Variants in WWOX observed in about 807,000 individuals in gnomAD.
The protein encoded by WWOX is WW domain containing oxidoreductase.
A neutral mutation model predicts 46.2 loss-of-function variants in WWOX; 69 were observed. The ratio of observed to expected loss-of-function variants is 1.49; its 90% CI spans 1.23 to 1.82. The LOEUF is 1.82. WWOX is among the 40% of genes most tolerant of loss of function. WWOX has a pLI of 0.00. For synonymous variants in WWOX, 359 were observed against 202.6 expected (o/e 1.77, Z -6.56); for missense variants, 919 against 542.6 (o/e 1.69, Z -6.89).
intron 8 of WWOX, among the ~76,000 whole-genome samples, chr16:79,068,105 G>C (rs1487438134): frequency 6.6e-6 from 1 of 152,212 alleles, no homozygotes; most frequent in Admixed American, 6.5e-5. Context: ...GGCTCCGGAA[G>C]ATCCCTAACC....
chr16:79,023,753 C>G (rs1008323711), intron 8 of WWOX, among the ~76,000 whole-genome samples: 1 of 148,190 alleles, frequency 6.7e-6, no homozygotes, highest in African/African-American at 2.5e-5. Context: ...TACCCCATCT[C>G]TACTAAAATA....
intron 8 of WWOX, among the ~76,000 whole-genome samples, chr16:79,177,419 C>T (rs1488995091): frequency 1.3e-5 from 2 of 152,114 alleles, no homozygotes; most frequent in Admixed American, 6.5e-5. Flanking sequence ...ATCCAAAAGG[C>T]AAGGCTTTTA....
chr16:78,319,702 C>G (rs111420689), intron 5 of WWOX, among the ~76,000 whole-genome samples: 3 of 152,096 alleles, frequency 2.0e-5, no homozygotes, highest in East Asian at 3.9e-4. Flanking sequence ...TTATCACATG[C>G]GTAGGTTCAT....
At chr16:79,158,297 A>G (rs753509609) in intron 8 of WWOX, among the ~76,000 whole-genome samples, 2 of 152,246 alleles carry the variant, frequency 1.3e-5, no homozygotes, top group Non-Finnish European at 1.5e-5. Flanking sequence ...AGAAAAAGAC[A>G]GAGAAACAAG....
intron 8 of WWOX, among the ~76,000 whole-genome samples, chr16:78,493,419 A>G (rs1229321642): frequency 2.6e-5 from 4 of 152,242 alleles, no homozygotes; most frequent in East Asian, 1.9e-4. Context: ...CTTTGGGAAC[A>G]TATCAGTCAC....
intron 8 of WWOX, chr16:78,825,550 T>A (rs2151149909): frequency 1.9e-6 from 1 of 529,274 alleles, no homozygotes; most frequent in South Asian, 1.4e-5. Context: ...GCTGAAAAGG[T>A]GGCCCCAGAG....
chr16:78,490,784 C>T lies in WWOX; in HGVS notation c.1056+58032C>T, dbSNP rs527516748. 1.6e-3 allele frequency among the ~76,000 whole-genome samples: 247 copies of T among 152,298 alleles called. 1 individual carries two copies. The highest frequency in any genetic ancestry group is 5.5e-3 in the African/African-American group (228 of 41,562). ...TACCAAGCACCCCTTACCCAGCAAA[C>T]GTGGCTTCTCTTCCCCAGGCAGAGC... On this transcript the variant is annotated intron_variant, in intron 8 of 8. Coordinates refer to ENST00000566780, the MANE Select transcript of WWOX (RefSeq NM_016373.4).
At chr16:79,081,322 C>T (rs2048756415) in intron 8 of WWOX, among the ~76,000 whole-genome samples, 1 of 152,092 alleles carries the variant, frequency 6.6e-6, no homozygotes, top group Non-Finnish European at 1.5e-5. Flanking sequence ...CACCACTATG[C>T]CCAGCTAATT....
chr16:78,523,420 A>G (rs1321038750), intron 8 of WWOX, among the ~76,000 whole-genome samples: 1 of 152,182 alleles, frequency 6.6e-6, no homozygotes, highest in Admixed American at 6.5e-5. Context: ...TATCAGTAAC[A>G]ATGCCATCCG....
intron 8 of WWOX, among the ~76,000 whole-genome samples, chr16:78,541,994 A>C (rs2043907731): frequency 9.0e-6 from 1 of 111,708 alleles, no homozygotes; most frequent in Admixed American, 1.5e-4. Flanking sequence ...CAGTTACCAG[A>C]GGGTTTCTTT....
At chr16:79,153,447 A>T (rs901529730) in intron 8 of WWOX, among the ~76,000 whole-genome samples, 1 of 152,118 alleles carries the variant, frequency 6.6e-6, no homozygotes, top group African/African-American at 2.4e-5. Context: ...GTGGGGTCAT[A>T]CCAAGTCATT....
chr16:78,774,506 G>T (rs1038179708), intron 8 of WWOX, among the ~76,000 whole-genome samples: 1 of 48,110 alleles, frequency 2.1e-5, no homozygotes, highest in African/African-American at 6.2e-5. Context: ...TTGTGTGTGT[G>T]TGTGTGTGTG....
intron 5 of WWOX, among the ~76,000 whole-genome samples, chr16:78,326,705 C>G (rs553868839): frequency 6.6e-6 from 1 of 151,970 alleles, no homozygotes; most frequent in Admixed American, 6.6e-5. Context: ...TTAAAAGCAA[C>G]AGATTGCTGT....
rs35439570 is a variant in WWOX at position 78,314,916 on chromosome 16, G to C, written c.517-71944G>C. ...CCAGCAACCTTCCCTCACCTTTGTGGTCAGCTAGAAGGTCAGTTAACACAT... is the reference window on the plus strand; with the variant it reads ...CCAGCAACCTTCCCTCACCTTTGTGCTCAGCTAGAAGGTCAGTTAACACAT... On this transcript the variant is annotated intron_variant, in intron 5 of 8. Transcript: ENST00000566780. Among the ~76,000 whole-genome samples, 533 of 152,028 alleles carry C rather than the reference G, an allele frequency of 3.5e-3. 3 individuals carry two copies. The highest frequency in any genetic ancestry group is 5.8e-3 in the Non-Finnish European group (391 of 67,972).
rs1299805304 is a variant in WWOX at position 78,203,017 on chromosome 16, T to G, written c.516+38728T>G. Among the ~76,000 whole-genome samples, 8 of 152,178 alleles carry G rather than the reference T, an allele frequency of 5.3e-5. No individual in the cohort carries two copies. The East Asian group carries it at 1.5e-3, about 29-fold the overall frequency. On this transcript the variant is annotated intron_variant, in intron 5 of 8. Coordinates refer to ENST00000566780, the MANE Select transcript of WWOX (RefSeq NM_016373.4). ...CTGCCAACTATGGAAGTAAAGGGAATAGAATTAGGCTGTCTGGATTATAGT... is the reference window on the plus strand; with the variant it reads ...CTGCCAACTATGGAAGTAAAGGGAAGAGAATTAGGCTGTCTGGATTATAGT...
intron 5 of WWOX, among the ~76,000 whole-genome samples, chr16:78,295,721 CAAA>C (rs2079935061): frequency 7.0e-6 from 1 of 142,634 alleles, no homozygotes; most frequent in Admixed American, 7.0e-5. Context: ...AAAAAACAAA[CAAA>C]CAAACAAACA....
chr16:78,714,147 A>C (rs2048509402), intron 8 of WWOX, among the ~76,000 whole-genome samples: 1 of 152,206 alleles, frequency 6.6e-6, no homozygotes. Flanking sequence ...AGGAAGTGTT[A>C]GATGTACTGT....
intron 8 of WWOX, among the ~76,000 whole-genome samples, chr16:78,902,594 C>T (rs1214186486): frequency 6.6e-6 from 1 of 152,236 alleles, no homozygotes; most frequent in Admixed American, 6.5e-5. Flanking sequence ...CTGACACCAG[C>T]TTCCCAGTTT....
At chr16:78,487,432 G>T (rs903873808) in intron 8 of WWOX, among the ~76,000 whole-genome samples, 3 of 152,134 alleles carry the variant, frequency 2.0e-5, no homozygotes, top group African/African-American at 7.2e-5. Flanking sequence ...AGTTTGAAGG[G>T]AGTCTCTTAC....
Sources: allele counts gnomAD v4.1 joint callset (sites outside exome capture counted in the v4.1 genomes callset), GRCh38; gene constraint gnomAD v4.1.1; transcripts MANE v1.5; gene names NCBI Gene and HGNC (gene_info 2026-07-23, HGNC 2026-07-21).